ROCK1: variants seen among roughly 807,000 people sequenced by gnomAD.
ROCK1 encodes rho-associated protein kinase 1.
Under a neutral mutation model 196.8 loss-of-function variants are expected in ROCK1, and 36 were observed. The ratio of observed to expected loss-of-function variants is 0.18; its 90% confidence interval spans 0.14 to 0.24. ROCK1 has a LOEUF of 0.24. ROCK1 is among the 10% of genes least tolerant of loss of function. ROCK1 has a pLI of 1.00. For missense variants in ROCK1, 920 were observed against 1,562.0 expected (o/e 0.59, Z 6.93); for synonymous variants, 443 against 515.9 (o/e 0.86, Z 1.91).
chr18:20,996,617 T>C (rs568927213), intron 16 of ROCK1, among the ~76,000 whole-genome samples: 5 of 152,190 alleles, frequency 3.3e-5, no homozygotes, highest in East Asian at 3.9e-4. Flanking sequence ...GTGGTGGCCA[T>C]AGGGTAATGG....
At position 21,077,580 on chromosome 18, in the gene ROCK1, C is replaced by T. The variant is rs549132102; in HGVS notation, c.94-6967G>A. Among the ~76,000 whole-genome samples the T allele has an allele frequency of 3.4e-5, 5 of 145,792 alleles. No homozygotes were observed. The East Asian group carries it at 1.0e-3, about 30-fold the overall frequency. ...AATGGACACAACACATACAATAGAC[C>T]ATCTAGGCCCAGAGGAGAAGTGGGG... On this transcript the variant is annotated intron_variant, in intron 1 of 32. Coordinates refer to ENST00000399799, the MANE Select transcript of ROCK1 (RefSeq NM_005406.3).
intron 27 of ROCK1, among the ~76,000 whole-genome samples, chr18:20,965,383 TCATACATACATA>T (rs766977630): frequency 0.015 from 2,172 of 149,062 alleles, 26 homozygotes; most frequent in Middle Eastern, 0.024. Flanking sequence ...TGAGACTGTT[TCATACATACATA>T]CATACATATA....
chr18:20,966,040 CATAA>C (rs2035371263), intron 27 of ROCK1, among the ~76,000 whole-genome samples: 1 of 152,164 alleles, frequency 6.6e-6, no homozygotes, highest in Non-Finnish European at 1.5e-5. Flanking sequence ...CATGCTGCTT[CATAA>C]ATATCTTCCT....
chr18:21,089,365 CTT>C (rs887635182), intron 1 of ROCK1, among the ~76,000 whole-genome samples: 1 of 152,144 alleles, frequency 6.6e-6, no homozygotes, highest in African/African-American at 2.4e-5. Context: ...CGGCCTAAAA[CTT>C]TTTTTAATTG....
intron 16 of ROCK1, among the ~76,000 whole-genome samples, chr18:21,001,232 CAG>C (rs2035721379): frequency 6.6e-6 from 1 of 152,066 alleles, no homozygotes; most frequent in South Asian, 2.1e-4. Flanking sequence ...CGGGTAAATT[CAG>C]AGACAGAAAG....
At chr18:20,959,089 A>T (rs1424219310) in intron 29 of ROCK1, among the ~76,000 whole-genome samples, 1 of 31,146 alleles carries the variant, frequency 3.2e-5, no homozygotes, top group Non-Finnish European at 4.7e-5. Context: ...TATATATTTT[A>T]TATAATATAT....
At chr18:21,109,753 TAAAC>T (rs960817296) in intron 1 of ROCK1, among the ~76,000 whole-genome samples, 59 of 152,342 alleles carry the variant, frequency 3.9e-4, no homozygotes, top group Middle Eastern at 6.8e-3. Flanking sequence ...ACGTTAATTT[TAAAC>T]AATCTACATT....
chr18:21,066,833 G>A (rs1423095165), intron 2 of ROCK1, among the ~76,000 whole-genome samples: 2 of 152,186 alleles, frequency 1.3e-5, no homozygotes, highest in African/African-American at 4.8e-5. Flanking sequence ...TTGATCAGCT[G>A]ACGGGCACTT....
At chr18:21,110,675 C>T in intron 1 of ROCK1, 143 bp downstream of exon 1, 1 of 716,342 alleles carries the variant, frequency 1.4e-6, no homozygotes. Context: ...TAATGGTACT[C>T]CAAGATTCTT....
In ROCK1 at chr18:20,967,739, A is replaced by C; in HGVS notation, c.3192+13T>G. ...CCTTCACACTCATATCCATACACAC[A>C]CAGAAACCTTACCGCTTGCATGTCA... On this transcript the variant is annotated intron_variant, in intron 26 of 32. Transcript: ENST00000399799. 5 of 1,574,960 alleles carry C rather than the reference A, an allele frequency of 3.2e-6. No homozygotes were observed. The highest frequency in any genetic ancestry group is 4.3e-6 in the Non-Finnish European group (5 of 1,162,490).
rs1294718686 is a variant in ROCK1, at chr18:20,968,676, C to T, written c.3003+96G>A. ...AGAATTTATTTGTTCTGATGAAAAGCTTGAACCTTATAAGCCTTGGTTTTA... is the reference window on the plus strand; with the variant it reads ...AGAATTTATTTGTTCTGATGAAAAGTTTGAACCTTATAAGCCTTGGTTTTA... On this transcript the variant is annotated intron_variant, in intron 25 of 32. Coordinates refer to ENST00000399799, the MANE Select transcript of ROCK1 (RefSeq NM_005406.3). The T allele has an allele frequency of 4.1e-6, 3 of 735,466 alleles. No homozygotes were observed. The African/African-American group carries it at 5.4e-5, about 13-fold the overall frequency. The allele number at this position is 735,466 out of a possible 1,614,324, so 45.6% of individuals were successfully genotyped here.
At chr18:20,994,149 C>T (rs533250333) in intron 16 of ROCK1, among the ~76,000 whole-genome samples, 1 of 152,262 alleles carries the variant, frequency 6.6e-6, no homozygotes, top group Non-Finnish European at 1.5e-5. Context: ...TATTTACACA[C>T]TCAAGATATT....
intron 22 of ROCK1, among the ~76,000 whole-genome samples, chr18:20,972,427 C>G (rs1163525011): frequency 3.3e-5 from 5 of 152,060 alleles, no homozygotes; most frequent in African/African-American, 4.8e-5. Context: ...ATACGTAAGT[C>G]TGGAATTCAA....
rs187626719 is a variant in ROCK1 at position 21,004,675 on chromosome 18, T to A, written c.1885+1676A>T. ...TCACAAACTTATAAGAATTTTAGAA[T>A]TGGAAGGATTTATAGAGGTAACCTA... On this transcript the variant is annotated intron_variant, in intron 16 of 32. Coordinates refer to ENST00000399799, the MANE Select transcript of ROCK1 (RefSeq NM_005406.3). Among the ~76,000 whole-genome samples the A allele has an allele frequency of 2.0e-5, 3 of 152,280 alleles. No homozygotes were observed. In the East Asian group the frequency reaches 5.8e-4, roughly 29 times the overall value.
At chr18:21,003,412 T>C (rs1389597375) in intron 16 of ROCK1, among the ~76,000 whole-genome samples, 4 of 152,216 alleles carry the variant, frequency 2.6e-5, no homozygotes, top group Non-Finnish European at 5.9e-5. Flanking sequence ...ATGAGACTAC[T>C]AGAGGAACTT....
chr18:21,018,262 G>A (rs758440527), intron 12 of ROCK1, among the ~76,000 whole-genome samples: 1 of 152,024 alleles, frequency 6.6e-6, no homozygotes, highest in Non-Finnish European at 1.5e-5. Flanking sequence ...AGGCACGGTG[G>A]CTCACGCCTG....
At chr18:21,026,863 A>G (rs1327254057) in intron 10 of ROCK1, among the ~76,000 whole-genome samples, 1 of 152,072 alleles carries the variant, frequency 6.6e-6, no homozygotes, top group Non-Finnish European at 1.5e-5. Flanking sequence ...AGTAGATTTA[A>G]CCCACCCAGT....
chr18:21,037,126 C>A (rs1488962044), intron 9 of ROCK1, among the ~76,000 whole-genome samples: 1 of 152,106 alleles, frequency 6.6e-6, no homozygotes, highest in African/African-American at 2.4e-5. Flanking sequence ...CTTTTCATTT[C>A]TTTTGTCCTT....
chr18:21,093,904 C>T (rs1219754987), intron 1 of ROCK1, among the ~76,000 whole-genome samples: 3 of 151,158 alleles, frequency 2.0e-5, no homozygotes, highest in African/African-American at 4.9e-5. Flanking sequence ...TGCAGTGAGC[C>T]GAGATCATGC....
Sources: allele counts gnomAD v4.1 joint callset (sites outside exome capture counted in the v4.1 genomes callset), GRCh38; gene constraint gnomAD v4.1.1; transcripts MANE v1.5; gene names NCBI Gene and HGNC (gene_info 2026-07-23, HGNC 2026-07-21).